PEPD: variants seen among roughly 807,000 people sequenced by gnomAD.
PEPD encodes the protein peptidase D.
Under a neutral mutation model 60.7 loss-of-function variants are expected in PEPD, and 53 were observed. That is an observed-to-expected ratio of 0.87 (90% confidence interval 0.70 to 1.10). PEPD has a LOEUF of 1.10. PEPD is among the 50% of genes least tolerant of loss of function. The pLI is 0.00. For synonymous variants in PEPD, 267 were observed against 284.1 expected, an observed-to-expected ratio of 0.94 and a Z score of 0.60; for missense variants, 711 against 711.9, an observed-to-expected ratio of 1.00 and a Z score of 0.01.
chr19:33,408,123 G>C (rs929637679), intron 11 of PEPD, among the ~76,000 whole-genome samples: 10 of 152,232 alleles, frequency 6.6e-5, no homozygotes, highest in African/African-American at 1.9e-4. Flanking sequence ...GCAGTAGGAG[G>C]GGGGCCTAGC....
chr19:33,416,401 G>A (rs1360331990), intron 9 of PEPD, among the ~76,000 whole-genome samples: 2 of 152,218 alleles, frequency 1.3e-5, no homozygotes, highest in African/African-American at 2.4e-5. Context: ...CTCCAGCAGA[G>A]GGCAGCAGCC....
chr19:33,407,369 C>T (rs902274675), intron 11 of PEPD, among the ~76,000 whole-genome samples: 1 of 152,202 alleles, frequency 6.6e-6, no homozygotes, highest in Non-Finnish European at 1.5e-5. Context: ...AGCTTGCTGG[C>T]CTGCAGTGGC....
chr19:33,492,515 C>A (rs1466137448), intron 5 of PEPD, among the ~76,000 whole-genome samples: 1 of 152,192 alleles, frequency 6.6e-6, no homozygotes, highest in Non-Finnish European at 1.5e-5. Flanking sequence ...TCCATCACCT[C>A]AAGCATTTAT....
At chr19:33,387,504 CATT>C (rs756697823) in intron 14 of PEPD, 23 bp from the exon 15 acceptor site, 5 of 1,612,780 alleles carry the variant, frequency 3.1e-6, no homozygotes, top group South Asian at 1.1e-5. Flanking sequence ...GACAGACACA[CATT>C]ATCATAGAGC....
At chr19:33,438,667 C>T (rs933641908) in intron 9 of PEPD, among the ~76,000 whole-genome samples, 1 of 152,262 alleles carries the variant, frequency 6.6e-6, no homozygotes, top group African/African-American at 2.4e-5. Flanking sequence ...CTCCTCGGAG[C>T]TGAACTGTGA....
chr19:33,393,788 G>A (rs1968296664), intron 12 of PEPD, among the ~76,000 whole-genome samples: 1 of 152,182 alleles, frequency 6.6e-6, no homozygotes, highest in Non-Finnish European at 1.5e-5. Context: ...GACAATCCTG[G>A]CCCACCTCGC....
chr19:33,460,212 C>T (rs1206933175), intron 9 of PEPD, among the ~76,000 whole-genome samples: 4 of 152,182 alleles, frequency 2.6e-5, no homozygotes, highest in Admixed American at 1.3e-4. Flanking sequence ...TCTTTTCCAC[C>T]CACATACATT....
chr19:33,463,691 A>G (rs945213133), intron 8 of PEPD, among the ~76,000 whole-genome samples: 1 of 152,234 alleles, frequency 6.6e-6, no homozygotes, highest in Non-Finnish European at 1.5e-5. Context: ...ATGAAGAAGG[A>G]GCACTCTACC....
At position 33,493,205 on chromosome 19, in the gene PEPD, GC is replaced by G. The variant is rs948936512; in HGVS notation, c.441+84del. The G allele has an allele frequency of 8.3e-6, 8 of 967,234 alleles. No individual in the cohort carries two copies. In the African/African-American group the frequency reaches 1.1e-4, roughly 14 times the overall value. The allele number at this position is 967,234 out of a possible 1,614,324, so 59.9% of individuals were successfully genotyped here. A position where few individuals can be genotyped will look rare whatever the true frequency, so the allele number is the denominator to read the frequency against. ...TCCGTTTTTTAATCCTCCCCTATGG[GC>G]CCGACCTCTGCAGGAGAGGTGGCCC... On this transcript the variant is annotated intron_variant, in intron 5 of 14. Coordinates refer to ENST00000244137, the MANE Select transcript of PEPD (RefSeq NM_000285.4).
At chr19:33,442,141 G>A (rs999544283) in intron 9 of PEPD, among the ~76,000 whole-genome samples, 16 of 152,240 alleles carry the variant, frequency 1.1e-4, no homozygotes, top group African/African-American at 3.9e-4. Context: ...GCTCATGCCT[G>A]TAATCCCAGC....
At chr19:33,410,436 T>C (rs1029781082) in intron 11 of PEPD, among the ~76,000 whole-genome samples, 3 of 152,092 alleles carry the variant, frequency 2.0e-5, no homozygotes, top group African/African-American at 7.2e-5. Context: ...GGGCAGCTGG[T>C]TGTCTGTCCA....
At position 33,398,792 on chromosome 19, in the gene PEPD, C is replaced by T. The variant is rs1011058146; in HGVS notation, c.967+2929G>A. ...AAGAGTCAGAAAGAATAAGAAGGGA[C>T]GCAGCAAGCAAACTGTCCCGTCCCT... On this transcript the variant is annotated intron_variant, in intron 12 of 14. Transcript: ENST00000244137. Among the ~76,000 whole-genome samples the T allele has an allele frequency of 1.1e-4, 17 of 152,284 alleles. 1 individual carries two copies. The highest frequency in any genetic ancestry group is 4.2e-4 in the South Asian group (2 of 4,816).
At chr19:33,496,334 AGCCC>A (rs1970602828) in intron 4 of PEPD, among the ~76,000 whole-genome samples, 2 of 152,150 alleles carry the variant, frequency 1.3e-5, no homozygotes, top group Admixed American at 6.5e-5. Context: ...GTCTCCTTGC[AGCCC>A]GGTGCTCAGA....
At chr19:33,518,291 C>T (rs1971062114) in intron 1 of PEPD, among the ~76,000 whole-genome samples, 1 of 152,142 alleles carries the variant, frequency 6.6e-6, no homozygotes, top group South Asian at 2.1e-4. Context: ...AGGGAAGGCA[C>T]AGGGATACTC....
At chr19:33,512,551 C>G (rs1970946900) in intron 2 of PEPD, 42 bp downstream of exon 2, 1 of 1,590,008 alleles carries the variant, frequency 6.3e-7, no homozygotes. Context: ...ACAGCAGCAC[C>G]ATCACACACC....
intron 1 of PEPD, among the ~76,000 whole-genome samples, chr19:33,516,234 G>A (rs1418899142): frequency 2.6e-5 from 4 of 152,136 alleles, no homozygotes; most frequent in East Asian, 1.9e-4. Flanking sequence ...CAACACAGAC[G>A]AATTCTTCCT....
intron 3 of PEPD, among the ~76,000 whole-genome samples, chr19:33,506,524 G>A (rs924693887): frequency 5.0e-5 from 6 of 119,198 alleles, no homozygotes; most frequent in Non-Finnish European, 1.0e-4. Context: ...ACCCTCACAT[G>A]CACCCTACAC....
intron 9 of PEPD, among the ~76,000 whole-genome samples, chr19:33,460,278 A>G (rs1429947754): frequency 6.6e-6 from 1 of 152,186 alleles, no homozygotes; most frequent in South Asian, 2.1e-4. Flanking sequence ...ATGGTCCCCA[A>G]GAAGGCGCCT....
intron 9 of PEPD, among the ~76,000 whole-genome samples, chr19:33,429,733 A>G (rs16968119): frequency 0.17 from 25,719 of 152,164 alleles, 3,294 homozygotes; most frequent in African/African-American, 0.36. Context: ...CAAATTGGGA[A>G]AAATATTTCC....
Sources: allele counts gnomAD v4.1 joint callset (sites outside exome capture counted in the v4.1 genomes callset), GRCh38; gene constraint gnomAD v4.1.1; transcripts MANE v1.5; gene names NCBI Gene and HGNC (gene_info 2026-07-23, HGNC 2026-07-21).